The following KANK4 variants were observed in gnomAD, a reference collection of about 807,000 sequenced individuals.
The protein encoded by KANK4 is KN motif and ankyrin repeat domain-containing protein 4.
In KANK4, 50 loss-of-function variants were observed where a neutral mutation model predicts 80.8. The ratio of observed to expected loss-of-function variants is 0.62; its 90% CI spans 0.49 to 0.78. The LOEUF is 0.78. Ranked by LOEUF, KANK4 falls within the 30% of genes least tolerant of loss-of-function variation. KANK4 has a pLI of 0.00. For missense variants in KANK4, 1,196 were observed against 1,240.1 expected (o/e 0.96, Z 0.53); for synonymous variants, 465 against 506.9 (o/e 0.92, Z 1.11).
chr1:62,263,229 T>C lies in KANK4; in HGVS notation c.2402A>G (p.Tyr801Cys), dbSNP rs779043474. 5 of 1,613,400 alleles carry C rather than the reference T, an allele frequency of 3.1e-6. No individual in the cohort carries two copies. Among genetic ancestry groups the C allele is most frequent in the Admixed American group, 1.7e-5 (1 of 59,892 alleles). The part of the protein sequence containing the change: ...KSSSPAVVAS[Y>C]LHEVQPHSPH... ...GGAGTGAGGCTGGACCTCGTGGAGG[T>C]AGGAGGCCACCACGGCGGGGCTAGA... Residue 801 changes from tyrosine (Y) to cysteine (C), a missense_variant, in exon 7 of 10, where the codon TAC becomes TGC. Around this residue, in one of 3 missense-constraint regions of KANK4, gnomAD observed 1,154 missense variants for 1,179.6 expected, o/e 0.98. Transcript: ENST00000371153.
chr1:62,253,397 TTTTC>T (rs1261390218), intron 7 of KANK4, among the ~76,000 whole-genome samples, 188 bp from the exon 8 acceptor site: 8 of 139,028 alleles, frequency 5.8e-5, no homozygotes, highest in Admixed American at 3.1e-4. Context: ...CTTTTCTTTT[TTTTC>T]TTTCTTTCTT....
chr1:62,287,977 T>C (rs1384924699), intron 1 of KANK4, among the ~76,000 whole-genome samples: 2 of 152,178 alleles, frequency 1.3e-5, no homozygotes, highest in Non-Finnish European at 2.9e-5. Context: ...TCTGATACAC[T>C]TCAAATGATC....
At chr1:62,257,757 C>T (rs891574735) in intron 7 of KANK4, among the ~76,000 whole-genome samples, 10 of 152,164 alleles carry the variant, frequency 6.6e-5, no homozygotes, top group African/African-American at 2.4e-4. Context: ...TCCCCAACCC[C>T]CTTCTTACTT....
chr1:62,305,986 T>C (rs1218754605), intron 1 of KANK4, among the ~76,000 whole-genome samples: 3 of 152,066 alleles, frequency 2.0e-5, no homozygotes, highest in African/African-American at 7.2e-5. Flanking sequence ...ACAGACTCTC[T>C]CTCTCTCTCT....
At chr1:62,310,411 G>A (rs1644488933) in intron 1 of KANK4, among the ~76,000 whole-genome samples, 1 of 152,194 alleles carries the variant, frequency 6.6e-6, no homozygotes, top group South Asian at 2.1e-4. Context: ...GAGGGAGAAA[G>A]CAGCAGGGGC....
intron 7 of KANK4, among the ~76,000 whole-genome samples, 200 bp from the exon 8 acceptor site, chr1:62,253,409 C>T (rs934927490): frequency 1.2e-4 from 13 of 110,962 alleles, no homozygotes; most frequent in South Asian, 3.3e-4. Flanking sequence ...TTCTTTCTTT[C>T]TTTTTTTTTT....
chr1:62,245,997 G>A (rs1401899913), intron 9 of KANK4, among the ~76,000 whole-genome samples: 2 of 152,158 alleles, frequency 1.3e-5, no homozygotes, highest in African/African-American at 2.4e-5. Context: ...ATGGAGCCGG[G>A]TTCCACTAGC....
At chr1:62,249,545 A>AT (rs35046139) in intron 8 of KANK4, among the ~76,000 whole-genome samples, 99,706 of 138,692 alleles carry the variant, frequency 0.72, 35,765 homozygotes, top group East Asian at 0.83. Context: ...CATCTGGCCA[A>AT]TTTTTTTTTT....
intron 8 of KANK4, among the ~76,000 whole-genome samples, chr1:62,250,865 C>G (rs1405815869): frequency 1.3e-5 from 2 of 152,182 alleles, no homozygotes; most frequent in Non-Finnish European, 2.9e-5. Flanking sequence ...GGGTTGCTAT[C>G]AGATGAAGTA....
At chr1:62,297,196 G>C (rs1041382131) in intron 1 of KANK4, among the ~76,000 whole-genome samples, 1 of 152,232 alleles carries the variant, frequency 6.6e-6, no homozygotes, top group African/African-American at 2.4e-5. Context: ...TTGCACCACT[G>C]CACTCTAGCC....
intron 1 of KANK4, among the ~76,000 whole-genome samples, chr1:62,287,106 G>A (rs755801086): frequency 2.0e-5 from 3 of 152,090 alleles, no homozygotes; most frequent in Non-Finnish European, 2.9e-5. Context: ...AGAGTGTCCC[G>A]GGCAAGCACA....
In KANK4 at chr1:62,297,299, A is replaced by G. The variant is rs959444179; in HGVS notation, c.-70-15665T>C. Among the ~76,000 whole-genome samples the G allele has an allele frequency of 4.3e-5, 3 of 69,858 alleles. No individual in the cohort carries two copies. In the African/African-American group the frequency reaches 4.5e-4, roughly 11 times the overall value. The allele number at this position is 69,858 out of a possible 152,430, so 45.8% of individuals were successfully genotyped here. ...CACTGTTATAATAATAATAATTATT[A>G]TTGCTAGCTAGATACTGTTGTCCTA... is the stretch of plus-strand genomic sequence containing the variant. On this transcript the variant is annotated intron_variant, in intron 1 of 9. Transcript: ENST00000371153.
In KANK4 at chr1:62,273,753, C is replaced by A; in HGVS notation, c.1351G>T (p.Glu451Ter). Residue 451 changes from glutamate to a stop codon, truncating the protein, a stop_gained, in exon 3 of 10, where the codon GAG becomes TAG. Coordinates refer to ENST00000371153, the MANE Select transcript of KANK4 (RefSeq NM_181712.5). LOFTEE classifies it high-confidence loss of function. The stretch of plus-strand genomic sequence containing the variant: ...TCTGGCCCCCATAGGAGGCCATTCT[C>A]CTCTCCTCGGTGCCCCCAGCTTTCA... ...ESESWGHRGE[E>*]NGLLWGPDGH... 3 of 1,614,128 alleles carry A rather than the reference C, an allele frequency of 1.9e-6. No individual in the cohort carries two copies. In the South Asian group the frequency reaches 3.3e-5, roughly 18 times the overall value.
At chr1:62,287,058 A>C (rs1672585585) in intron 1 of KANK4, among the ~76,000 whole-genome samples, 2 of 152,186 alleles carry the variant, frequency 1.3e-5, no homozygotes, top group South Asian at 4.2e-4. Context: ...GGGGTGCAGG[A>C]GCCAGGGAGC....
intron 8 of KANK4, among the ~76,000 whole-genome samples, chr1:62,252,606 G>A (rs1417405136): frequency 6.6e-6 from 1 of 152,228 alleles, no homozygotes; most frequent in African/African-American, 2.4e-5. Flanking sequence ...TCAGTCTGAG[G>A]ACTCATGACC....
intron 1 of KANK4, among the ~76,000 whole-genome samples, chr1:62,284,457 C>T (rs374699769): frequency 3.0e-4 from 45 of 152,142 alleles, no homozygotes; most frequent in African/African-American, 1.0e-3. Flanking sequence ...GCTGGGATTA[C>T]GGTCGCGCGC....
chr1:62,316,311 G>A (rs1297271138), intron 1 of KANK4, among the ~76,000 whole-genome samples: 1 of 152,186 alleles, frequency 6.6e-6, no homozygotes, highest in African/African-American at 2.4e-5. Context: ...TGTCAACTCT[G>A]CCCATAATAT....
At chr1:62,263,916 G>A (rs1007664304) in intron 6 of KANK4, among the ~76,000 whole-genome samples, 1 of 152,194 alleles carries the variant, frequency 6.6e-6, no homozygotes, top group Non-Finnish European at 1.5e-5. Context: ...CCTGCTATCT[G>A]CAGCATTCAG....
intron 2 of KANK4, among the ~76,000 whole-genome samples, chr1:62,278,314 TTTC>T (rs1164563835): frequency 8.6e-5 from 1 of 11,642 alleles, no homozygotes; most frequent in Non-Finnish European, 1.2e-4. Flanking sequence ...TGGGGCACAT[TTTC>T]TTTCTTCCTT....
Sources: allele counts gnomAD v4.1 joint callset (sites outside exome capture counted in the v4.1 genomes callset), GRCh38; gene constraint gnomAD v4.1.1; regional missense constraint gnomAD v4.1.1; transcripts MANE v1.5; gene names NCBI Gene and HGNC (gene_info 2026-07-23, HGNC 2026-07-21).